Variants in NEBL observed in about 807,000 individuals in gnomAD.
NEBL encodes LIM and SH3 protein 2.
Under a neutral mutation model 140.2 loss-of-function variants are expected in NEBL, and 122 were observed. That is an observed-to-expected ratio of 0.87 (90% CI 0.75 to 1.01). The LOEUF (loss-of-function observed/expected upper bound fraction) is 1.01, where lower values mean the gene tolerates loss of function less well. NEBL is among the 50% of genes least tolerant of loss of function. NEBL has a pLI of 0.00. For missense variants in NEBL, 1,365 were observed against 1,231.3 expected (o/e 1.11, Z -1.62); for synonymous variants, 436 against 398.9 (o/e 1.09, Z -1.11).
chr10:21,174,837 T>A (rs760555940), upstream of NEBL: 3 of 152,232 alleles, frequency 2.0e-5, no homozygotes, highest in African/African-American at 7.2e-5. Flanking sequence ...CGCTTTTTAA[T>A]ACCTGTCCTT....
At chr10:20,831,109 G>A in intron 16 of NEBL, 87 bp downstream of exon 16, 1 of 993,216 alleles carries the variant, frequency 1.0e-6, no homozygotes. Flanking sequence ...AATGCCCTCA[G>A]AAAGATATCA....
intron 2 of NEBL, among the ~76,000 whole-genome samples, chr10:21,116,914 T>A (rs911861202): frequency 1.3e-5 from 2 of 152,026 alleles, no homozygotes; most frequent in Non-Finnish European, 1.5e-5. Flanking sequence ...TCAAGCAATC[T>A]TCCTGCCTCA....
chr10:20,799,435 C>T (rs527345154), intron 26 of NEBL, among the ~76,000 whole-genome samples: 9 of 152,318 alleles, frequency 5.9e-5, no homozygotes, highest in Admixed American at 5.2e-4. Context: ...GGATTGCAGG[C>T]GTGCCCGGTT....
chr10:21,194,677 T>C (rs1052170463), intron 3 of NEBL, among the ~76,000 whole-genome samples: 2 of 152,144 alleles, frequency 1.3e-5, no homozygotes, highest in African/African-American at 4.8e-5. Flanking sequence ...ATACCCGTAC[T>C]TTGAGGCCAC....
upstream of NEBL, chr10:21,175,043 A>G (rs964085334): frequency 6.6e-6 from 1 of 152,256 alleles, no homozygotes; most frequent in Non-Finnish European, 1.5e-5. Context: ...CAGAAGAGCC[A>G]GAAAATCAAG....
chr10:21,091,640 G>A (rs193106940), intron 2 of NEBL, among the ~76,000 whole-genome samples: 4 of 152,024 alleles, frequency 2.6e-5, no homozygotes, highest in South Asian at 4.1e-4. Context: ...ATTATTTGGG[G>A]GATGGGGGTC....
At chr10:20,898,003 T>C (rs1305037119), upstream of NEBL, among the ~76,000 whole-genome samples, 1 of 152,202 alleles carries the variant, frequency 6.6e-6, no homozygotes, top group Non-Finnish European at 1.5e-5. Flanking sequence ...AAAATCATCA[T>C]CATCATCTTT....
chr10:21,226,239 C>G (rs1438379155), intron 3 of NEBL, among the ~76,000 whole-genome samples: 1 of 151,812 alleles, frequency 6.6e-6, no homozygotes, highest in Non-Finnish European at 1.5e-5. Context: ...CCTACTGTGG[C>G]TGAGCTGGTA....
chr10:21,132,939 C>T (rs1016498677), intron 2 of NEBL, among the ~76,000 whole-genome samples: 1 of 152,156 alleles, frequency 6.6e-6, no homozygotes, highest in Non-Finnish European at 1.5e-5. Context: ...AGTCTTTACA[C>T]TTTCTTGAGA....
chr10:21,202,437 C>T (rs1401294628), intron 3 of NEBL, among the ~76,000 whole-genome samples: 1 of 148,992 alleles, frequency 6.7e-6, no homozygotes, highest in Non-Finnish European at 1.5e-5. Flanking sequence ...AGTTGATTCA[C>T]CTTCTAATTT....
intron 2 of NEBL, among the ~76,000 whole-genome samples, chr10:20,892,491 C>G (rs1847111800): frequency 6.6e-6 from 1 of 152,174 alleles, no homozygotes; most frequent in African/African-American, 2.4e-5. Context: ...TATGTGGAGG[C>G]TGGGGAAACA....
At chr10:20,831,436 C>A (rs761546747) in intron 15 of NEBL, 37 bp downstream of exon 15, 8 of 1,550,294 alleles carry the variant, frequency 5.2e-6, no homozygotes, top group Non-Finnish European at 7.1e-6. Context: ...TGATTCACGG[C>A]ATTTATTTTA....
chr10:21,178,737 T>A (rs1399338581), upstream of NEBL, among the ~76,000 whole-genome samples: 1 of 152,184 alleles, frequency 6.6e-6, no homozygotes, highest in Non-Finnish European at 1.5e-5. Flanking sequence ...CATATCAAAA[T>A]AAGTCCCAAA....
intron 3 of NEBL, among the ~76,000 whole-genome samples, chr10:20,971,916 G>A (rs1360218688): frequency 1.3e-5 from 2 of 152,014 alleles, no homozygotes; most frequent in African/African-American, 4.8e-5. Context: ...CCCAGCCATA[G>A]AATAGAATAT....
At chr10:21,037,493 T>C (rs561089373) in intron 2 of NEBL, among the ~76,000 whole-genome samples, 2 of 152,036 alleles carry the variant, frequency 1.3e-5, no homozygotes, top group South Asian at 4.2e-4. Flanking sequence ...AATTTAAAAA[T>C]AAAAATATAT....
At chr10:20,924,581 G>T (rs1833788127) in intron 4 of NEBL, among the ~76,000 whole-genome samples, 1 of 151,770 alleles carries the variant, frequency 6.6e-6, no homozygotes, top group Middle Eastern at 3.4e-3. Context: ...CTACATATAG[G>T]GCTCTGGTCA....
At chr10:20,853,193 A>C (rs1842716045) in intron 9 of NEBL, among the ~76,000 whole-genome samples, 1 of 152,216 alleles carries the variant, frequency 6.6e-6, no homozygotes, top group Non-Finnish European at 1.5e-5. Context: ...CTAAAAGGAA[A>C]GGGTAAAAGG....
intron 17 of NEBL, among the ~76,000 whole-genome samples, chr10:20,826,957 A>G (rs1037910754): frequency 2.5e-4 from 38 of 152,214 alleles, no homozygotes; most frequent in African/African-American, 8.9e-4. Flanking sequence ...TATGCTCCAA[A>G]CACAAGGATG....
intron 3 of NEBL, among the ~76,000 whole-genome samples, chr10:21,197,635 C>G (rs996318811): frequency 1.1e-4 from 17 of 152,136 alleles, no homozygotes; most frequent in Non-Finnish European, 1.5e-5. Context: ...TTCTCTCTGG[C>G]CTCCTTCCTC....
Sources: allele counts gnomAD v4.1 joint callset (sites outside exome capture counted in the v4.1 genomes callset), GRCh38; gene constraint gnomAD v4.1.1; transcripts MANE v1.5; gene names NCBI Gene and HGNC (gene_info 2026-07-23, HGNC 2026-07-21).